The following JMJD1C variants were observed in gnomAD, a reference collection of about 807,000 sequenced individuals.
The protein encoded by JMJD1C is jumonji domain containing 1C, also known as jumonji domain-containing protein 1C.
Under a neutral mutation model 245.3 loss-of-function variants are expected in JMJD1C, and 31 were observed. The observed-to-expected ratio is 0.13, with a 90% CI of 0.09 to 0.17. The LOEUF (loss-of-function observed/expected upper bound fraction) is 0.17. Ranked by LOEUF, JMJD1C falls within the 10% of genes least tolerant of loss-of-function variation. The probability of loss-of-function intolerance (pLI) is 1.00; values close to 1 mark genes in which losing one functional copy is unlikely to be tolerated. For synonymous variants in JMJD1C, 1,057 were observed against 1,017.4 expected, an observed-to-expected ratio of 1.04 and a Z score of -0.74; for missense variants, 2,691 against 3,000.2, an observed-to-expected ratio of 0.90 and a Z score of 2.41.
intron 1 of JMJD1C, among the ~76,000 whole-genome samples, chr10:63,438,434 A>C (rs1951180556): frequency 6.6e-6 from 1 of 152,090 alleles, no homozygotes; most frequent in Admixed American, 6.6e-5. Context: ...TTGCCTCCTA[A>C]CCGCTCTCCC....
At position 63,276,884 on chromosome 10, in the gene JMJD1C, C is replaced by CT. The variant is rs760452367; in HGVS notation, c.334-12121dup. On this transcript the variant is annotated intron_variant, in intron 2 of 25. Transcript: ENST00000399262. ...CTATGGAAGGAATAGAAGCTTGGGG[C>CT]TTTTTTTTTTTTTTTTTTGAGAGAG... Among the ~76,000 whole-genome samples the CT allele has an allele frequency of 1.8e-3, 178 of 96,272 alleles. 7 individuals are homozygous for CT. The highest frequency in any genetic ancestry group is 0.013 in the East Asian group (38 of 3,032). 63.2% of individuals were successfully genotyped at this position (96,272 alleles called of 152,430 possible).
At chr10:63,296,095 T>G (rs1435788251) in intron 2 of JMJD1C, among the ~76,000 whole-genome samples, 1 of 149,684 alleles carries the variant, frequency 6.7e-6, no homozygotes, top group Non-Finnish European at 1.5e-5. Context: ...CACTGCAACC[T>G]CCGCCTCCCA....
intron 3 of JMJD1C, among the ~76,000 whole-genome samples, chr10:63,263,377 A>T (rs1433342627): frequency 6.6e-6 from 1 of 152,178 alleles, no homozygotes; most frequent in Non-Finnish European, 1.5e-5. Context: ...CTAATTCCCT[A>T]AGTATTACAA....
chr10:63,216,881 T>C (rs1848051253), intron 5 of JMJD1C, among the ~76,000 whole-genome samples: 2 of 152,192 alleles, frequency 1.3e-5, no homozygotes, highest in South Asian at 4.1e-4. Context: ...ATATTTTTAT[T>C]ACTGGAGGGA....
chr10:63,456,821 T>C (rs990614038), intron 1 of JMJD1C, among the ~76,000 whole-genome samples: 2 of 152,136 alleles, frequency 1.3e-5, no homozygotes, highest in African/African-American at 2.4e-5. Flanking sequence ...CAACTTAAAA[T>C]TTAACTATTT....
chr10:63,259,412 G>GAA (rs139773244), intron 3 of JMJD1C, among the ~76,000 whole-genome samples: 1 of 148,178 alleles, frequency 6.7e-6, no homozygotes, highest in Non-Finnish European at 1.5e-5. Flanking sequence ...AAATTTAGGA[G>GAA]AAAAAAAAAA....
At chr10:63,179,950 C>T (rs929906211) in intron 22 of JMJD1C, among the ~76,000 whole-genome samples, 2 of 152,146 alleles carry the variant, frequency 1.3e-5, no homozygotes, top group Non-Finnish European at 2.9e-5. Flanking sequence ...TAATTTGTGA[C>T]AGTAATGTCT....
rs533839794 is a variant in JMJD1C, at chr10:63,515,803, AGTTT to A, written n.113+5931_113+5934del. Reference sequence around the variant, plus strand: ...AAGTCTTCAGAGATTACTTCTTAATAGTTTTTAAGAGTGCTTTGTATATGAAGAT... The same window carrying A: ...AAGTCTTCAGAGATTACTTCTTAATATTAAGAGTGCTTTGTATATGAAGAT... On this transcript the variant is annotated intron_variant and non_coding_transcript_variant, in intron 1 of 3. Transcript: ENST00000633035. 7.9e-5 allele frequency among the ~76,000 whole-genome samples: 12 copies of A among 152,356 alleles called. No individual in the cohort carries two copies. In the East Asian group the frequency reaches 2.3e-3, roughly 29 times the overall value.
At chr10:63,311,340 T>C (rs926321628) in intron 2 of JMJD1C, among the ~76,000 whole-genome samples, 18 of 151,840 alleles carry the variant, frequency 1.2e-4, no homozygotes, top group African/African-American at 1.9e-4. Context: ...GATGGCGCCA[T>C]TGCACTCCAT....
intron 2 of JMJD1C, among the ~76,000 whole-genome samples, chr10:63,322,449 A>G (rs1325324982): frequency 6.6e-6 from 1 of 152,198 alleles, no homozygotes; most frequent in Non-Finnish European, 1.5e-5. Context: ...TAAAGCTGCT[A>G]AATTGTAAAA....
At chr10:63,244,839 A>T (rs1851967535) in intron 3 of JMJD1C, among the ~76,000 whole-genome samples, 1 of 150,998 alleles carries the variant, frequency 6.6e-6, no homozygotes, top group Admixed American at 6.6e-5. Flanking sequence ...GGGGGAGAAC[A>T]ATTAAAAGAA....
At chr10:63,360,672 G>A (rs1222416637) in intron 2 of JMJD1C, among the ~76,000 whole-genome samples, 1 of 152,034 alleles carries the variant, frequency 6.6e-6, no homozygotes, top group Non-Finnish European at 1.5e-5. Flanking sequence ...GACAGTTTTT[G>A]GATAATGATG....
intron 1 of JMJD1C, among the ~76,000 whole-genome samples, chr10:63,385,460 T>G (rs952303830): frequency 5.7e-5 from 7 of 122,146 alleles, no homozygotes; most frequent in Admixed American, 1.1e-4. Flanking sequence ...TTTTAAGAGA[T>G]AGGGTCTTGC....
intron 2 of JMJD1C, among the ~76,000 whole-genome samples, chr10:63,274,424 G>A (rs1164060423): frequency 6.6e-6 from 1 of 151,944 alleles, no homozygotes; most frequent in Non-Finnish European, 1.5e-5. Flanking sequence ...AAATAGCCAG[G>A]TGTGGTGGCA....
At chr10:63,440,916 G>A (rs1216820865) in intron 1 of JMJD1C, among the ~76,000 whole-genome samples, 1 of 152,168 alleles carries the variant, frequency 6.6e-6, no homozygotes, top group Non-Finnish European at 1.5e-5. Flanking sequence ...CCATGGTTCA[G>A]AGAGGTTAAA....
At chr10:63,299,019 C>T (rs547887755) in intron 2 of JMJD1C, among the ~76,000 whole-genome samples, 60 of 152,162 alleles carry the variant, frequency 3.9e-4, no homozygotes, top group African/African-American at 1.1e-3. Context: ...GCATGAGCCA[C>T]CATGCCTGGC....
intron 1 of JMJD1C, among the ~76,000 whole-genome samples, chr10:63,460,933 T>C (rs943858113): frequency 6.6e-6 from 1 of 152,210 alleles, no homozygotes; most frequent in Non-Finnish European, 1.5e-5. Context: ...ATTCCCTATT[T>C]AAAATTATTG....
chr10:63,220,476 C>T (rs748278557), intron 3 of JMJD1C, among the ~76,000 whole-genome samples: 6 of 152,194 alleles, frequency 3.9e-5, no homozygotes, highest in Non-Finnish European at 7.3e-5. Flanking sequence ...GTTCTACTCA[C>T]AGTCATCTGA....
intron 2 of JMJD1C, among the ~76,000 whole-genome samples, chr10:63,276,014 A>G (rs1856735214): frequency 1.3e-5 from 2 of 152,214 alleles, no homozygotes; most frequent in African/African-American, 4.8e-5. Context: ...GCTGCTTGCA[A>G]TTTTGTATTA....
Sources: allele counts gnomAD v4.1 joint callset (sites outside exome capture counted in the v4.1 genomes callset), GRCh38; gene constraint gnomAD v4.1.1; transcripts MANE v1.5; gene names NCBI Gene and HGNC (gene_info 2026-07-23, HGNC 2026-07-21).